The following CDH18 variants were observed in gnomAD, a reference collection of about 807,000 sequenced individuals.
CDH18 encodes the protein cadherin 18.
Under a neutral mutation model 67.9 loss-of-function variants are expected in CDH18, and 31 were observed. That is an observed-to-expected ratio of 0.46 (90% confidence interval 0.34 to 0.62). The LOEUF is 0.62. CDH18 is among the 20% of genes least tolerant of loss of function. CDH18 has a pLI of 0.01. For synonymous variants in CDH18, 362 were observed against 347.2 expected (o/e 1.04, Z -0.48); for missense variants, 890 against 975.5 (o/e 0.91, Z 1.17).
rs76155356 is a variant in CDH18, at chr5:19,676,631, G to A, written c.643+44716C>T. 2.7e-3 allele frequency among the ~76,000 whole-genome samples: 405 copies of A among 152,096 alleles called. 1 individual carries two copies. The highest frequency in any genetic ancestry group is 4.0e-3 in the Non-Finnish European group (270 of 67,980). ...AGGTAATGGTCTCATGAGCCCAGGC[G>A]TGCACATTAAGAGAAAAAATGGCAG... On this transcript the variant is annotated intron_variant, in intron 5 of 12. Coordinates refer to ENST00000382275, the MANE Select transcript of CDH18 (RefSeq NM_004934.5).
At chr5:20,487,451 A>G (rs1753272982) in intron 1 of CDH18, among the ~76,000 whole-genome samples, 2 of 150,240 alleles carry the variant, frequency 1.3e-5, no homozygotes, top group African/African-American at 4.9e-5. Context: ...GGCTACATCA[A>G]TATATTTACT....
intron 1 of CDH18, among the ~76,000 whole-genome samples, chr5:20,525,221 A>G (rs1755976515): frequency 6.6e-6 from 1 of 152,164 alleles, no homozygotes; most frequent in African/African-American, 2.4e-5. Context: ...ACTGCTGGAC[A>G]GATTCACTAC....
rs776078908 is a variant in CDH18 at position 19,994,853 on chromosome 5, T to TAGAGAGAGAGAGAGAG, written c.-517-2840_-517-2839insCTCTCTCTCTCTCTCT. On this transcript the variant is annotated intron_variant, in intron 2 of 14. Transcript: ENST00000507958. Reference sequence around the variant, plus strand: ...GAATATATATATATATATATATATATATAGAGAGAGAGAGAGAGAGAGAGA... The same window carrying TAGAGAGAGAGAGAGAG: ...GAATATATATATATATATATATATATAGAGAGAGAGAGAGAGATAGAGAGAGAGAGAGAGAGAGAGA... Among the ~76,000 whole-genome samples the TAGAGAGAGAGAGAGAG allele has an allele frequency of 9.2e-4, 49 of 53,212 alleles. 7 individuals carry two copies. The highest frequency in any genetic ancestry group is 4.5e-3 in the African/African-American group (47 of 10,450). The allele number at this position is 53,212 out of a possible 152,430, so 34.9% of individuals were successfully genotyped here.
intron 11 of CDH18, among the ~76,000 whole-genome samples, chr5:19,492,777 A>C (rs1741676882): frequency 6.6e-6 from 1 of 152,166 alleles, no homozygotes. Context: ...TTATTCTCTG[A>C]ATCAATGTTA....
chr5:20,237,982 G>T (rs894964919), intron 2 of CDH18, among the ~76,000 whole-genome samples: 7 of 151,924 alleles, frequency 4.6e-5, no homozygotes, highest in Non-Finnish European at 1.0e-4. Context: ...GAACATCACA[G>T]ACAGCCTAAA....
chr5:20,042,831 G>A (rs1407963206), intron 2 of CDH18, among the ~76,000 whole-genome samples: 1 of 151,910 alleles, frequency 6.6e-6, no homozygotes, highest in Non-Finnish European at 1.5e-5. Flanking sequence ...GCGTGCTGGC[G>A]GGCGCCTGTA....
chr5:20,270,158 TA>T (rs72464138), intron 1 of CDH18, among the ~76,000 whole-genome samples: 17,744 of 149,168 alleles, frequency 0.12, 1,568 homozygotes, highest in African/African-American at 0.25. Flanking sequence ...TTTCTTTGTT[TA>T]AAAAAAAAAG....
chr5:19,533,433 G>C (rs1245683657), intron 9 of CDH18, among the ~76,000 whole-genome samples: 1 of 152,130 alleles, frequency 6.6e-6, no homozygotes, highest in African/African-American at 2.4e-5. Context: ...ACTGTGAACA[G>C]AGTAAATTAT....
chr5:20,151,302 C>T (rs1751078720), intron 2 of CDH18, among the ~76,000 whole-genome samples: 1 of 152,094 alleles, frequency 6.6e-6, no homozygotes, highest in African/African-American at 2.4e-5. Context: ...TCCATGTTTG[C>T]TGCAAAGAAC....
intron 5 of CDH18, among the ~76,000 whole-genome samples, chr5:19,660,332 C>T (rs2150309662): frequency 6.6e-6 from 1 of 152,074 alleles, no homozygotes; most frequent in Non-Finnish European, 1.5e-5. Context: ...ATGAACATTT[C>T]TCATTTTTTA....
intron 11 of CDH18, among the ~76,000 whole-genome samples, chr5:19,502,064 T>C (rs1743344379): frequency 6.6e-6 from 1 of 152,208 alleles, no homozygotes; most frequent in Non-Finnish European, 1.5e-5. Context: ...CTTTGTTATA[T>C]TTAAAGATGT....
At chr5:19,682,721 T>C (rs1760513940) in intron 5 of CDH18, among the ~76,000 whole-genome samples, 1 of 152,066 alleles carries the variant, frequency 6.6e-6, no homozygotes, top group South Asian at 2.1e-4. Flanking sequence ...TTACTTTCTC[T>C]CTGTTAAAAT....
At chr5:20,277,272 C>A (rs1030321509) in intron 1 of CDH18, among the ~76,000 whole-genome samples, 3 of 152,102 alleles carry the variant, frequency 2.0e-5, no homozygotes, top group African/African-American at 7.2e-5. Flanking sequence ...TTGTTTGTGT[C>A]AACCCTCCCC....
chr5:20,560,468 TACACACACACACACACACACACACAC>T (rs547246325), intron 1 of CDH18, among the ~76,000 whole-genome samples: 1 of 127,698 alleles, frequency 7.8e-6, no homozygotes, highest in African/African-American at 2.9e-5. Flanking sequence ...CCAACACTCA[TACACACACACACACACACACACACAC>T]ACACACACAC....
chr5:20,061,349 AC>A (rs1742470979), intron 2 of CDH18, among the ~76,000 whole-genome samples: 1 of 152,190 alleles, frequency 6.6e-6, no homozygotes, highest in Admixed American at 6.5e-5. Context: ...ATTAAAATCC[AC>A]AAAGTATAAT....
chr5:19,473,056 C>G lies in CDH18; in HGVS notation c.*170G>C. On this transcript the variant is annotated 3_prime_UTR_variant, in exon 13 of 13. Coordinates refer to ENST00000382275, the MANE Select transcript of CDH18 (RefSeq NM_004934.5). Reference sequence around the variant, plus strand: ...TTTTTTTTTTTTTTTTTACTTTCTTCCAATTAAATAACCCAGTTTCGATCA... The same window carrying G: ...TTTTTTTTTTTTTTTTTACTTTCTTGCAATTAAATAACCCAGTTTCGATCA... 2 of 513,344 alleles carry G rather than the reference C, an allele frequency of 3.9e-6. No homozygotes were observed. The highest frequency in any genetic ancestry group is 6.4e-6 in the Non-Finnish European group (2 of 310,426). The allele number at this position is 513,344 out of a possible 1,614,324, so 31.8% of individuals were successfully genotyped here. A position where few individuals can be genotyped will look rare whatever the true frequency, so the allele number is the denominator to read the frequency against.
chr5:20,008,365 C>T (rs1737108625), intron 2 of CDH18, among the ~76,000 whole-genome samples: 2 of 152,194 alleles, frequency 1.3e-5, no homozygotes, highest in African/African-American at 4.8e-5. Flanking sequence ...TTAAACTAAA[C>T]ATTTAATTAC....
chr5:19,553,483 C>T (rs1167271115), intron 8 of CDH18, among the ~76,000 whole-genome samples: 1 of 151,540 alleles, frequency 6.6e-6, no homozygotes, highest in Non-Finnish European at 1.5e-5. Context: ...TAAATATTTG[C>T]AGGTACAAGA....
intron 2 of CDH18, among the ~76,000 whole-genome samples, chr5:20,056,325 G>T (rs1324110107): frequency 7.3e-6 from 1 of 137,732 alleles, no homozygotes; most frequent in Non-Finnish European, 1.6e-5. Context: ...ATTTCTGTAT[G>T]TTCCACATTT....
Sources: gnomAD v4.1 joint callset for allele counts (sites outside exome capture counted in the v4.1 genomes callset) on GRCh38, gnomAD v4.1.1 for gene constraint, MANE v1.5 for transcripts, NCBI Gene and HGNC (gene_info 2026-07-23, HGNC 2026-07-21) for gene names.